Variants in LRRTM4 observed in about 807,000 individuals in gnomAD.
LRRTM4 encodes the protein leucine rich repeat transmembrane neuronal 4, also known as leucine-rich repeat transmembrane neuronal protein 4.
Under a neutral mutation model 47.6 loss-of-function variants are expected in LRRTM4, and 25 were observed. The observed-to-expected ratio is 0.53, with a 90% CI of 0.38 to 0.73. LRRTM4 has a LOEUF of 0.73. LRRTM4 is among the 30% of genes least tolerant of loss of function. The pLI is 0.00. For missense variants in LRRTM4, 638 were observed against 713.4 expected (o/e 0.89, Z 1.20); for synonymous variants, 311 against 269.5 (o/e 1.15, Z -1.51).
chr2:77,134,856 T>C (rs958310925), intron 3 of LRRTM4, among the ~76,000 whole-genome samples: 1 of 152,168 alleles, frequency 6.6e-6, no homozygotes, highest in Admixed American at 6.5e-5. Flanking sequence ...ATAAATCTTT[T>C]ATTTGCCACA....
chr2:76,980,146 T>C (rs1676556689), intron 3 of LRRTM4, among the ~76,000 whole-genome samples: 1 of 152,036 alleles, frequency 6.6e-6, no homozygotes, highest in South Asian at 2.1e-4. Flanking sequence ...TCTGTGCAGA[T>C]GGAGGATTAT....
chr2:76,960,708 AC>A (rs1280198912), intron 3 of LRRTM4, among the ~76,000 whole-genome samples: 1 of 151,546 alleles, frequency 6.6e-6, no homozygotes, highest in Non-Finnish European at 1.5e-5. Flanking sequence ...TAAGTTTTGA[AC>A]CTTATTGTCA....
At chr2:76,936,116 C>A (rs924540333) in intron 3 of LRRTM4, among the ~76,000 whole-genome samples, 1 of 152,160 alleles carries the variant, frequency 6.6e-6, no homozygotes, top group African/African-American at 2.4e-5. Flanking sequence ...ATAAATCATT[C>A]TCCTATAAGG....
At chr2:76,963,668 T>C (rs114806096) in intron 3 of LRRTM4, among the ~76,000 whole-genome samples, 24 of 150,980 alleles carry the variant, frequency 1.6e-4, no homozygotes, top group Admixed American at 9.3e-4. Flanking sequence ...GCCTTAGGAT[T>C]TTCGTACTGT....
At chr2:76,932,320 G>A (rs1042806204) in intron 3 of LRRTM4, among the ~76,000 whole-genome samples, 1 of 152,092 alleles carries the variant, frequency 6.6e-6, no homozygotes, top group African/African-American at 2.4e-5. Flanking sequence ...CACCAAGTAT[G>A]GAGAGGCAGA....
chr2:77,061,956 G>C (rs1481248477), intron 3 of LRRTM4, among the ~76,000 whole-genome samples: 3 of 152,112 alleles, frequency 2.0e-5, no homozygotes, highest in African/African-American at 7.2e-5. Context: ...ATTTAATGTA[G>C]ACTTCTTGAG....
chr2:76,990,839 A>G (rs532192991), intron 3 of LRRTM4, among the ~76,000 whole-genome samples: 1 of 151,782 alleles, frequency 6.6e-6, no homozygotes, highest in East Asian at 1.9e-4. Context: ...TCAATCACAA[A>G]ATATACATTA....
chr2:76,805,252 T>C (rs1194855079), intron 3 of LRRTM4, among the ~76,000 whole-genome samples: 1 of 151,990 alleles, frequency 6.6e-6, no homozygotes, highest in Non-Finnish European at 1.5e-5. Flanking sequence ...ACATCCCAAT[T>C]GAGATGGCCA....
Position 77,059,361 on chromosome 2 carries a change from C to G in LRRTM4, c.1552-310445G>C, listed in dbSNP as rs531740118. 6.5e-4 allele frequency among the ~76,000 whole-genome samples: 88 copies of G among 135,126 alleles called. 1 individual carries two copies. The South Asian group carries it at 0.018, about 27-fold the overall frequency. The allele number at this position is 135,126 out of a possible 152,430, so 88.6% of individuals were successfully genotyped here. The stretch of plus-strand genomic sequence containing the variant: ...TAGAGTTGTCTTAATATTCCAAAGT[C>G]ACTTTTTCTTTATTTCCTTTTTTAC... On this transcript the variant is annotated intron_variant, in intron 3 of 3. Transcript: ENST00000409884.
intron 3 of LRRTM4, among the ~76,000 whole-genome samples, chr2:77,132,395 T>G (rs1671825283): frequency 6.6e-6 from 1 of 152,220 alleles, no homozygotes; most frequent in African/African-American, 2.4e-5. Flanking sequence ...ATTCATCTAT[T>G]GATGGACACT....
intron 3 of LRRTM4, among the ~76,000 whole-genome samples, chr2:77,011,742 T>A (rs984585053): frequency 1.3e-5 from 2 of 152,096 alleles, no homozygotes; most frequent in African/African-American, 4.8e-5. Flanking sequence ...TAGTTAACAT[T>A]ATCTTATTGG....
chr2:77,496,004 C>T (rs1374743702), intron 3 of LRRTM4, among the ~76,000 whole-genome samples: 1 of 151,938 alleles, frequency 6.6e-6, no homozygotes, highest in Non-Finnish European at 1.5e-5. Context: ...TGCTTCCAAT[C>T]CACCTCACCC....
At chr2:76,782,943 G>A (rs1189040345) in intron 3 of LRRTM4, among the ~76,000 whole-genome samples, 1 of 152,062 alleles carries the variant, frequency 6.6e-6, no homozygotes, top group Non-Finnish European at 1.5e-5. Context: ...ACAAATTGTT[G>A]AAGCTTTTAT....
At chr2:77,318,759 C>A (rs960306002) in intron 3 of LRRTM4, among the ~76,000 whole-genome samples, 5 of 152,096 alleles carry the variant, frequency 3.3e-5, no homozygotes, top group African/African-American at 1.2e-4. Flanking sequence ...TTTCCATCAA[C>A]GGACTCTCAT....
rs571167249 is a variant in LRRTM4 at position 77,010,449 on chromosome 2, T to C, written c.1552-261533A>G. ...TGTCTTCCTGGTTGATCCATGTTTT[T>C]TCATATGACAGAACTTCCTTCTTTT... On this transcript the variant is annotated intron_variant, in intron 3 of 3. Coordinates refer to ENST00000409884, the MANE Select transcript of LRRTM4 (RefSeq NM_001134745.3). Among the ~76,000 whole-genome samples the C allele has an allele frequency of 1.5e-3, 232 of 151,800 alleles. 1 individual carries two copies. The highest frequency in any genetic ancestry group is 2.6e-3 in the Non-Finnish European group (178 of 67,844).
intron 3 of LRRTM4, among the ~76,000 whole-genome samples, chr2:77,381,935 TAAC>T (rs1480923243): frequency 6.6e-6 from 1 of 152,092 alleles, no homozygotes; most frequent in Admixed American, 6.6e-5. Flanking sequence ...ATATAATAAA[TAAC>T]AAACATATGA....
At chr2:77,318,151 C>T (rs992920891) in intron 3 of LRRTM4, among the ~76,000 whole-genome samples, 9 of 151,776 alleles carry the variant, frequency 5.9e-5, no homozygotes, top group African/African-American at 1.7e-4. Flanking sequence ...GGACTACAGG[C>T]GCCCGCCACC....
intron 3 of LRRTM4, among the ~76,000 whole-genome samples, chr2:77,386,788 G>A (rs1422363605): frequency 6.6e-6 from 1 of 152,052 alleles, no homozygotes; most frequent in Non-Finnish European, 1.5e-5. Flanking sequence ...GGCCTGTCGG[G>A]GAGTGGGGGG....
intron 3 of LRRTM4, among the ~76,000 whole-genome samples, chr2:77,456,449 C>T (rs1286322238): frequency 6.6e-6 from 1 of 152,150 alleles, no homozygotes; most frequent in Middle Eastern, 3.2e-3. Flanking sequence ...CTAAAGCCTC[C>T]CTGTCCATTT....
Sources: allele counts gnomAD v4.1 joint callset (sites outside exome capture counted in the v4.1 genomes callset), GRCh38; gene constraint gnomAD v4.1.1; transcripts MANE v1.5; gene names NCBI Gene and HGNC (gene_info 2026-07-23, HGNC 2026-07-21).